Variants in DENND2B observed in about 807,000 individuals in gnomAD.
The protein encoded by DENND2B is DENN domain-containing protein 2B.
A neutral mutation model predicts 116.0 loss-of-function variants in DENND2B; 32 were observed. That is an observed-to-expected ratio of 0.28 (90% CI 0.21 to 0.37). The LOEUF (loss-of-function observed/expected upper bound fraction) is 0.37, where lower values mean the gene tolerates loss of function less well. Ranked by LOEUF, DENND2B falls within the 10% of genes least tolerant of loss-of-function variation. DENND2B has a pLI of 1.00. For missense variants in DENND2B, 1,276 were observed against 1,477.7 expected, an observed-to-expected ratio of 0.86 and a Z score of 2.24; for synonymous variants, 588 against 583.9, an observed-to-expected ratio of 1.01 and a Z score of -0.10.
At chr11:8,824,252 G>A (rs1279123496) in intron 4 of DENND2B, among the ~76,000 whole-genome samples, 1 of 151,100 alleles carries the variant, frequency 6.6e-6, no homozygotes, top group Non-Finnish European at 1.5e-5. Context: ...TGTTATACAG[G>A]TAGACTTGTG....
intron 2 of DENND2B, among the ~76,000 whole-genome samples, chr11:8,861,608 A>G (rs1309358017): frequency 6.6e-6 from 1 of 152,230 alleles, no homozygotes; most frequent in Non-Finnish European, 1.5e-5. Flanking sequence ...TACAACCTCT[A>G]TGGAAAACAG....
Position 8,730,022 on chromosome 11 carries a change from G to A in DENND2B, c.1268C>T (p.Pro423Leu). The change falls in exon 3 of 20, where the codon CCC (proline) becomes CTC (leucine). Residue 423 changes from proline to leucine, a missense_variant. This residue lies in a region of DENND2B where 856 missense variants were observed against 846.6 expected (regional missense o/e 1.01). Transcript: ENST00000313726. This position sits in a 1 kb window ranked among gnomAD's most constrained non-coding sequence, Gnocchi z 4.1. Reference protein sequence around the residue: ...SPTPAAPPPLPSTPAPPVTRR... With the variant: ...SPTPAAPPPLLSTPAPPVTRR... The stretch of plus-strand genomic sequence containing the variant: ...GGTGACTGGCGGGGCTGGGGTGGAG[G>A]GCAAGGGAGGTGGAGCAGCAGGTGT... 1.2e-6 allele frequency: 2 copies of A among 1,614,224 alleles called. No homozygotes were observed. The highest frequency in any genetic ancestry group is 1.7e-6 in the Non-Finnish European group (2 of 1,180,032).
In DENND2B at chr11:8,853,746, C is replaced by T. The variant is rs149978760; in HGVS notation, c.-156+3597G>A. Among the ~76,000 whole-genome samples, 10 of 152,128 alleles carry T rather than the reference C, an allele frequency of 6.6e-5. 1 individual carries two copies. Among genetic ancestry groups the T allele is most frequent in the Middle Eastern group, 6.8e-3 (2 of 294 alleles). On this transcript the variant is annotated intron_variant, in intron 3 of 6. Transcript: ENST00000524757. ...GAATATAAATATGTACATCTGTATG[C>T]GTAGAGAAAGACCTAGAAAGGAGAG...
At chr11:8,817,783 G>A (rs2061621186) in intron 4 of DENND2B, among the ~76,000 whole-genome samples, 1 of 151,996 alleles carries the variant, frequency 6.6e-6, no homozygotes, top group Non-Finnish European at 1.5e-5. Context: ...GAGTCTCTGT[G>A]ATAACGTTAA....
intron 2 of DENND2B, among the ~76,000 whole-genome samples, chr11:8,737,310 C>T (rs887679432): frequency 6.6e-6 from 1 of 152,050 alleles, no homozygotes; most frequent in Non-Finnish European, 1.5e-5. Flanking sequence ...GAAGAACTAG[C>T]CAAGGAGACC....
chr11:8,844,539 A>G (rs1326730188), intron 3 of DENND2B, among the ~76,000 whole-genome samples: 1 of 95,086 alleles, frequency 1.1e-5, no homozygotes, highest in Non-Finnish European at 2.3e-5. Context: ...CATACATTTT[A>G]TACTATGCCT....
At chr11:8,891,646 G>A (rs1043938117) in intron 1 of DENND2B, among the ~76,000 whole-genome samples, 6 of 152,130 alleles carry the variant, frequency 3.9e-5, no homozygotes, top group African/African-American at 1.2e-4. Flanking sequence ...GACAAAGAAG[G>A]CCATTACATA....
intron 1 of DENND2B, among the ~76,000 whole-genome samples, chr11:8,903,285 C>T (rs1003492175): frequency 1.3e-5 from 2 of 151,904 alleles, no homozygotes; most frequent in African/African-American, 4.8e-5. Flanking sequence ...TGGTGGCATG[C>T]ACCTGTAATC....
At chr11:8,713,946 TC>T in intron 8 of DENND2B, 51 bp downstream of exon 8, 1 of 1,599,704 alleles carries the variant, frequency 6.3e-7, no homozygotes, top group South Asian at 1.1e-5. Context: ...GAAGGCTGAT[TC>T]CCTGCAGCCC....
Position 8,730,054 on chromosome 11 carries a change from A to C in DENND2B, c.1236T>G (p.Pro412=). 2 of 1,614,166 alleles carry C rather than the reference A, an allele frequency of 1.2e-6. No individual in the cohort carries two copies. The highest frequency in any genetic ancestry group is 1.7e-6 in the Non-Finnish European group (2 of 1,180,030). ...PKSKPSNGLP[P]SPTPAAPPPL... is the part of the protein sequence containing the mutation. Reference sequence around the variant, plus strand: ...GAGGTGGAGCAGCAGGTGTGGGTGAAGGAGGTAGACCATTACTGGGCTTAC... The same window carrying C: ...GAGGTGGAGCAGCAGGTGTGGGTGACGGAGGTAGACCATTACTGGGCTTAC... Residue 412 remains proline (P), a synonymous_variant, in exon 3 of 20, where the codon CCT becomes CCG. Transcript: ENST00000313726. This position sits in a 1 kb window ranked among gnomAD's most constrained non-coding sequence, Gnocchi z 4.1.
chr11:8,710,793 A>ACC (rs1555112761), intron 11 of DENND2B, 52 bp downstream of exon 11: 9 of 1,322,996 alleles, frequency 6.8e-6, no homozygotes, highest in African/African-American at 1.5e-5. Flanking sequence ...ACACACACAC[A>ACC]CCCTGGCCTA....
At chr11:8,830,503 A>T (rs1390483752) in intron 4 of DENND2B, among the ~76,000 whole-genome samples, 1 of 152,224 alleles carries the variant, frequency 6.6e-6, no homozygotes, top group African/African-American at 2.4e-5. Flanking sequence ...AATAAGCTTT[A>T]TTTAATATTT....
intron 2 of DENND2B, among the ~76,000 whole-genome samples, chr11:8,749,657 C>A (rs139571024): frequency 2.2e-3 from 339 of 152,252 alleles, no homozygotes; most frequent in Non-Finnish European, 3.7e-3. Flanking sequence ...CTGACCAGAC[C>A]CTATTGGACT....
rs2043994141 is a variant in DENND2B, at chr11:8,712,768, C to T, written c.1988-33G>A. ...CAGGTTGCACATCAGGGAATGGACCCTCACAGGCCTCATGTTAACTCCTCT... is the reference window on the plus strand; with the variant it reads ...CAGGTTGCACATCAGGGAATGGACCTTCACAGGCCTCATGTTAACTCCTCT... On this transcript the variant is annotated intron_variant, in intron 8 of 19. Coordinates refer to ENST00000313726, the MANE Select transcript of DENND2B (RefSeq NM_213618.2). This position sits in a 1 kb window ranked among gnomAD's most constrained non-coding sequence, Gnocchi z 4.4. 2.5e-6 allele frequency: 4 copies of T among 1,584,142 alleles called. No individual in the cohort carries two copies. The highest frequency in any genetic ancestry group is 3.4e-6 in the Non-Finnish European group (4 of 1,165,994).
intron 2 of DENND2B, among the ~76,000 whole-genome samples, chr11:8,860,473 ATATAC>A (rs927795774): frequency 6.6e-6 from 1 of 152,182 alleles, no homozygotes; most frequent in African/African-American, 2.4e-5. Context: ...ATACCTAGTA[ATATAC>A]TTAACTAAGA....
At chr11:8,787,588 A>C (rs1398561640) in intron 1 of DENND2B, among the ~76,000 whole-genome samples, 1 of 152,222 alleles carries the variant, frequency 6.6e-6, no homozygotes, top group Non-Finnish European at 1.5e-5. Flanking sequence ...AAAACACGTA[A>C]GCAAGTGTGT....
At position 8,731,209 on chromosome 11, in the gene DENND2B, C is replaced by T. The variant is rs769689865; in HGVS notation, c.81G>A (p.Arg27=). Residue 27 remains arginine, a splice_region_variant and synonymous_variant, in exon 3 of 20, where the codon AGG becomes AGA. Coordinates refer to ENST00000313726, the MANE Select transcript of DENND2B (RefSeq NM_213618.2). ...GTKAPRGTLS[R]SQSVSPPPVL... ...CTGGAGGTGGAGAGACTGACTGAGA[C>T]CTGGGGGCAAAACAAAACAAAGGAA... 2.0e-6 allele frequency: 3 copies of T among 1,490,126 alleles called. No individual in the cohort carries two copies. Among genetic ancestry groups the T allele is most frequent in the Non-Finnish European group, 2.7e-6 (3 of 1,119,748 alleles). The allele number at this position is 1,490,126 out of a possible 1,614,324, so 92.3% of individuals were successfully genotyped here.
At chr11:8,850,550 G>T (rs556577846) in intron 3 of DENND2B, among the ~76,000 whole-genome samples, 1 of 151,872 alleles carries the variant, frequency 6.6e-6, no homozygotes, top group Admixed American at 6.6e-5. Context: ...GATAATAAGT[G>T]TTGGAGAGGA....
intron 1 of DENND2B, among the ~76,000 whole-genome samples, chr11:8,894,391 G>A (rs1252549940): frequency 5.3e-5 from 8 of 151,996 alleles, no homozygotes; most frequent in African/African-American, 1.9e-4. Context: ...AGCGAAAATT[G>A]ACAAATGGGA....
Sources: allele counts gnomAD v4.1 joint callset (sites outside exome capture counted in the v4.1 genomes callset), GRCh38; gene constraint gnomAD v4.1.1; regional missense constraint gnomAD v4.1.1; non-coding constraint Gnocchi (gnomAD v3.1); transcripts MANE v1.5; gene names NCBI Gene and HGNC (gene_info 2026-07-23, HGNC 2026-07-21).